INSYN2B: variants seen among roughly 807,000 people sequenced by gnomAD.
INSYN2B encodes inhibitory synaptic factor family member 2B.
A neutral mutation model predicts 41.2 loss-of-function variants in INSYN2B; 16 were observed. The ratio of observed to expected loss-of-function variants is 0.39; its 90% CI spans 0.26 to 0.59. INSYN2B has a LOEUF of 0.59. Ranked by LOEUF, INSYN2B falls within the 20% of genes least tolerant of loss-of-function variation. The pLI is 0.57. For synonymous variants in INSYN2B, 245 were observed against 244.4 expected (o/e 1.00, Z -0.02); for missense variants, 608 against 646.4 (o/e 0.94, Z 0.64).
chr5:169,929,775 A>AGAGAG (rs1561832412), intron 1 of INSYN2B, among the ~76,000 whole-genome samples: 1 of 148,482 alleles, frequency 6.7e-6, no homozygotes, highest in African/African-American at 2.5e-5. Context: ...GAGAGAGAGA[A>AGAGAG]AGAAGCTATC....
chr5:169,872,045 C>A (rs1401886473), intron 3 of INSYN2B, among the ~76,000 whole-genome samples: 2 of 152,156 alleles, frequency 1.3e-5, no homozygotes, highest in African/African-American at 4.8e-5. Context: ...GCCAACAAGC[C>A]ACTGCCATCA....
At chr5:169,971,840 T>C (rs1777518930) in intron 1 of INSYN2B, among the ~76,000 whole-genome samples, 1 of 152,228 alleles carries the variant, frequency 6.6e-6, no homozygotes, top group Admixed American at 6.5e-5. Flanking sequence ...ATATCTCTCG[T>C]AGTTACCCAT....
intron 1 of INSYN2B, among the ~76,000 whole-genome samples, chr5:169,958,607 C>A (rs1238313122): frequency 6.6e-6 from 1 of 151,008 alleles, no homozygotes; most frequent in East Asian, 1.9e-4. Flanking sequence ...TATAAATTTA[C>A]AAAATGTGGT....
chr5:169,917,054 C>T (rs761830749), intron 1 of INSYN2B, among the ~76,000 whole-genome samples: 1 of 152,238 alleles, frequency 6.6e-6, no homozygotes, highest in Non-Finnish European at 1.5e-5. Flanking sequence ...CTATATGCCT[C>T]TCTTACTACT....
rs1232680594 is a variant in INSYN2B at position 169,883,064 on chromosome 5, G to A, written c.835C>T (p.Leu279Phe). 3.9e-6 allele frequency: 6 copies of A among 1,551,644 alleles called. No individual in the cohort carries two copies. The highest frequency in any genetic ancestry group is 4.9e-5 in the East Asian group (2 of 40,922). ...PGTEELKPEL[L>F]LPKDNSDDKD... ...TCATCTGAGTTGTCTTTGGGCAAAA[G>A]CAATTCAGGTTTAAGTTCCTCTGTG... The change falls in exon 2 of 4, where the codon CTT (leucine) becomes TTT (phenylalanine). Residue 279 changes from leucine to phenylalanine, a missense_variant. Leu to Phe is a conservative substitution (Grantham distance 22, BLOSUM62 0). Coordinates refer to ENST00000377365, the MANE Select transcript of INSYN2B (RefSeq NM_001129891.3).
intron 1 of INSYN2B, among the ~76,000 whole-genome samples, chr5:169,896,283 A>G (rs114831411): frequency 0.01 from 1,555 of 152,308 alleles, 20 homozygotes; most frequent in African/African-American, 0.036. Flanking sequence ...GTTTATCTGA[A>G]GTACCGGGAC....
chr5:169,882,445 A>T, intron 2 of INSYN2B, 108 bp downstream of exon 2: 1 of 940,350 alleles, frequency 1.1e-6, no homozygotes, highest in Non-Finnish European at 1.6e-6. Context: ...ACAGTGCTTC[A>T]AACATTTTGG....
chr5:169,968,849 G>T (rs771225224), intron 1 of INSYN2B, among the ~76,000 whole-genome samples: 1 of 152,120 alleles, frequency 6.6e-6, no homozygotes, highest in Admixed American at 6.5e-5. Flanking sequence ...AATAGAGAAG[G>T]CTTCCCGGGA....
intron 1 of INSYN2B, among the ~76,000 whole-genome samples, chr5:169,965,491 A>C (rs1043641362): frequency 6.6e-6 from 1 of 152,228 alleles, no homozygotes; most frequent in Non-Finnish European, 1.5e-5. Context: ...TGTTGGAGTC[A>C]GGTCAGCATG....
chr5:169,919,785 C>T (rs550153963), intron 1 of INSYN2B, among the ~76,000 whole-genome samples: 71 of 152,156 alleles, frequency 4.7e-4, no homozygotes, highest in Non-Finnish European at 8.5e-4. Context: ...AACCCTTATT[C>T]TTCCCTGGAG....
chr5:169,883,027 C>A lies in INSYN2B; in HGVS notation c.872G>T (p.Gly291Val), dbSNP rs1180410255. 2 of 1,551,418 alleles carry A rather than the reference C, an allele frequency of 1.3e-6. No individual in the cohort carries two copies. The highest frequency in any genetic ancestry group is 2.4e-5 in the East Asian group (1 of 40,928). ...PKDNSDDKDL[G>V]SLSSQSKETC... ...TTCCTTTGACTGAGATGACAGTGAGCCAAGGTCTTTGTCATCTGAGTTGTC... is the reference window on the plus strand; with the variant it reads ...TTCCTTTGACTGAGATGACAGTGAGACAAGGTCTTTGTCATCTGAGTTGTC... Residue 291 changes from glycine (G) to valine (V), a missense_variant, in exon 2 of 4, where the codon GGC becomes GTC. Physicochemically the swap from Gly to Val is moderately radical, Grantham distance 109. Coordinates refer to ENST00000377365, the MANE Select transcript of INSYN2B (RefSeq NM_001129891.3).
chr5:169,889,498 G>A (rs916602264), intron 1 of INSYN2B, among the ~76,000 whole-genome samples: 14 of 152,184 alleles, frequency 9.2e-5, no homozygotes, highest in Admixed American at 8.5e-4. Context: ...GCTACAAAAC[G>A]TTGTACAGGG....
intron 1 of INSYN2B, among the ~76,000 whole-genome samples, chr5:169,934,056 C>G (rs1436275104): frequency 6.6e-6 from 1 of 152,178 alleles, no homozygotes; most frequent in Non-Finnish European, 1.5e-5. Context: ...ATCCATACTG[C>G]TCATTGATCA....
Position 169,883,133 on chromosome 5 carries a change from T to A in INSYN2B, c.766A>T (p.Thr256Ser). ...ACGCTGGTGGCATTTAAGCAGGAGG[T>A]GGATTTTTCTGAATCTAGTGGAGTC... Reference protein sequence around the residue: ...RVTPLDSEKSTSCLNATSVAS... With the variant: ...RVTPLDSEKSSSCLNATSVAS... The change falls in exon 2 of 4, where the codon ACC becomes TCC. Residue 256 changes from threonine to serine, a missense_variant. Physicochemically the swap from Thr to Ser is moderately conservative, Grantham distance 58 (BLOSUM62 1). Coordinates refer to ENST00000377365, the MANE Select transcript of INSYN2B (RefSeq NM_001129891.3). The A allele has an allele frequency of 1.3e-6, 2 of 1,551,478 alleles. No homozygotes were observed. Among genetic ancestry groups the A allele is most frequent in the Non-Finnish European group, 8.7e-7 (1 of 1,146,906 alleles).
rs1772762176 is a variant in INSYN2B at position 169,883,147 on chromosome 5, T to C, written c.752A>G (p.Asp251Gly). 6.4e-7 allele frequency: 1 copy of C among 1,551,606 alleles called. No homozygotes were observed. The highest frequency in any genetic ancestry group is 8.7e-7 in the Non-Finnish European group (1 of 1,146,948). The change falls in exon 2 of 4, where the codon GAT becomes GGT. Residue 251 changes from aspartate to glycine, a missense_variant. Transcript: ENST00000377365. ...TAAGCAGGAGGTGGATTTTTCTGAATCTAGTGGAGTCACCCTTCTCCCATC... is the reference window on the plus strand; with the variant it reads ...TAAGCAGGAGGTGGATTTTTCTGAACCTAGTGGAGTCACCCTTCTCCCATC... ...PGDGRRVTPL[D>G]SEKSTSCLNA...
chr5:169,971,845 A>G (rs181927171), intron 1 of INSYN2B, among the ~76,000 whole-genome samples: 2 of 152,302 alleles, frequency 1.3e-5, no homozygotes, highest in Admixed American at 1.3e-4. Context: ...TCTCGTAGTT[A>G]CCCATGAACT....
chr5:169,945,309 C>T (rs1236775198), intron 1 of INSYN2B, among the ~76,000 whole-genome samples: 1 of 152,184 alleles, frequency 6.6e-6, no homozygotes, highest in African/African-American at 2.4e-5. Flanking sequence ...AGTGGTAGTT[C>T]TCTTCTCTCC....
chr5:169,885,469 G>A (rs976014429), intron 1 of INSYN2B, among the ~76,000 whole-genome samples: 5 of 152,166 alleles, frequency 3.3e-5, no homozygotes, highest in South Asian at 2.1e-4. Flanking sequence ...CTGTGAACTC[G>A]TTCTGCTATG....
chr5:169,905,115 T>C (rs1291263730), intron 1 of INSYN2B, among the ~76,000 whole-genome samples: 2 of 152,154 alleles, frequency 1.3e-5, no homozygotes, highest in African/African-American at 4.8e-5. Flanking sequence ...CTGGCATGTA[T>C]TTTCTACAGT....
Sources: gnomAD v4.1 joint callset for allele counts (sites outside exome capture counted in the v4.1 genomes callset) on GRCh38, gnomAD v4.1.1 for gene constraint, MANE v1.5 for transcripts, NCBI Gene and HGNC (gene_info 2026-07-23, HGNC 2026-07-21) for gene names.